The following ATP2C1 variants were observed in gnomAD, a reference collection of about 807,000 sequenced individuals.
ATP2C1 encodes the protein ATPase secretory pathway Ca2+ transporting 1, also known as calcium-transporting ATPase type 2C member 1.
In ATP2C1, 31 loss-of-function variants were observed where a neutral mutation model predicts 120.5. The ratio of observed to expected loss-of-function variants is 0.26; its 90% CI spans 0.19 to 0.35. ATP2C1 has a LOEUF of 0.35. Among genes scored for constraint, ATP2C1 ranks in the 10% least tolerant of loss-of-function variants. The pLI, the probability that ATP2C1 is intolerant of heterozygous loss-of-function variation, is 1.00. For missense variants in ATP2C1, 731 were observed against 1,107.5 expected (o/e 0.66, Z 4.83); for synonymous variants, 351 against 358.7 (o/e 0.98, Z 0.24).
At chr3:130,888,292 A>G (rs2107853200) in intron 1 of ATP2C1, among the ~76,000 whole-genome samples, 1 of 152,286 alleles carries the variant, frequency 6.6e-6, no homozygotes, top group East Asian at 1.9e-4. Flanking sequence ...GGTTGGGGGA[A>G]GGATGGCACA....
intron 9 of ATP2C1, among the ~76,000 whole-genome samples, chr3:130,954,490 A>G (rs1035981922): frequency 7.2e-5 from 11 of 152,096 alleles, no homozygotes; most frequent in Non-Finnish European, 1.5e-4. Context: ...TGAGTCTGCT[A>G]TACGTTTTTT....
At chr3:130,859,647 C>T (rs1388254635) in intron 1 of ATP2C1, among the ~76,000 whole-genome samples, 1 of 152,186 alleles carries the variant, frequency 6.6e-6, no homozygotes, top group East Asian at 1.9e-4. Context: ...GTGTTCCATC[C>T]TTCTTGTCCA....
chr3:130,957,154 A>G (rs540709028), intron 11 of ATP2C1, among the ~76,000 whole-genome samples: 6 of 152,342 alleles, frequency 3.9e-5, no homozygotes, highest in African/African-American at 7.2e-5. Flanking sequence ...AACCTCAGAC[A>G]CAAATGGGTT....
chr3:130,915,389 C>T (rs750520020), intron 2 of ATP2C1, among the ~76,000 whole-genome samples: 13 of 152,032 alleles, frequency 8.6e-5, no homozygotes, highest in African/African-American at 2.7e-4. Flanking sequence ...CTACTGCGCC[C>T]GGCCTAATTC....
intron 17 of ATP2C1, among the ~76,000 whole-genome samples, chr3:130,971,421 A>G (rs2061312846): frequency 6.6e-6 from 1 of 152,210 alleles, no homozygotes; most frequent in Non-Finnish European, 1.5e-5. Context: ...CCCAACCCAC[A>G]GATGTGACTC....
intron 14 of ATP2C1, among the ~76,000 whole-genome samples, chr3:130,966,312 A>G (rs1340597229): frequency 6.6e-6 from 1 of 152,194 alleles, no homozygotes; most frequent in Non-Finnish European, 1.5e-5. Flanking sequence ...TATATGATCC[A>G]GGTATGGAAG....
chr3:130,902,133 T>A (rs1041239105), intron 2 of ATP2C1, among the ~76,000 whole-genome samples: 7 of 151,978 alleles, frequency 4.6e-5, no homozygotes, highest in African/African-American at 1.4e-4. Flanking sequence ...TATGACTACT[T>A]CAGGTTTGTT....
rs958508128 is a variant in ATP2C1, at chr3:130,980,742, A to G, written c.1839+63A>G. On this transcript the variant is annotated intron_variant, in intron 20 of 27. Coordinates refer to ENST00000510168, the MANE Select transcript of ATP2C1 (RefSeq NM_001378687.1). ...TATTCTAAGTGTTACCATTTCTACT[A>G]CTATCTTAATGAAACTGTTTAATTG... 9 of 1,200,674 alleles carry G rather than the reference A, an allele frequency of 7.5e-6. No individual in the cohort carries two copies. In the African/African-American group the frequency reaches 9.0e-5, roughly 12 times the overall value. The allele number at this position is 1,200,674 out of a possible 1,614,324, so 74.4% of individuals were successfully genotyped here. A position where few individuals can be genotyped will look rare whatever the true frequency, so the allele number is the denominator to read the frequency against.
At chr3:130,907,641 T>A (rs1250887158) in intron 2 of ATP2C1, among the ~76,000 whole-genome samples, 11 of 152,096 alleles carry the variant, frequency 7.2e-5, no homozygotes, top group Admixed American at 7.2e-4. Flanking sequence ...TTTGCTGATG[T>A]AAGTACCATA....
intron 2 of ATP2C1, among the ~76,000 whole-genome samples, chr3:130,912,498 A>G (rs1205171530): frequency 9.4e-5 from 14 of 148,576 alleles, no homozygotes; most frequent in African/African-American, 3.0e-4. Flanking sequence ...AAACACATGA[A>G]AAAATGCTCA....
intron 1 of ATP2C1, among the ~76,000 whole-genome samples, chr3:130,852,365 T>A (rs969858754): frequency 7.9e-5 from 12 of 152,168 alleles, no homozygotes; most frequent in Admixed American, 4.6e-4. Context: ...ATTGTAAGTT[T>A]TCAGAGATGT....
At chr3:130,913,938 T>A (rs1356454768) in intron 2 of ATP2C1, among the ~76,000 whole-genome samples, 1 of 152,096 alleles carries the variant, frequency 6.6e-6, no homozygotes, top group Non-Finnish European at 1.5e-5. Flanking sequence ...TCTAAAAAAG[T>A]AGTAAAAATA....
At chr3:130,906,561 A>G (rs569782145) in intron 2 of ATP2C1, among the ~76,000 whole-genome samples, 69 of 151,700 alleles carry the variant, frequency 4.5e-4, no homozygotes, top group Non-Finnish European at 7.8e-4. Flanking sequence ...TGGTAATTCT[A>G]TCTTTAATTT....
At chr3:130,883,725 G>A (rs376336664) in intron 1 of ATP2C1, among the ~76,000 whole-genome samples, 21 of 152,042 alleles carry the variant, frequency 1.4e-4, no homozygotes, top group Non-Finnish European at 2.5e-4. Context: ...CCAAAGTGCC[G>A]GGATCACTCA....
chr3:130,889,836 G>T (rs1576600674), upstream of ATP2C1, among the ~76,000 whole-genome samples: 1 of 151,904 alleles, frequency 6.6e-6, no homozygotes, highest in East Asian at 1.9e-4. Context: ...TGTAAAGACA[G>T]GATCTCACTA....
At chr3:131,001,119 A>AG (rs2108962662) in intron 27 of ATP2C1, 101 bp from the exon 28 acceptor site, 1 of 934,774 alleles carries the variant, frequency 1.1e-6, no homozygotes, top group East Asian at 3.1e-5. Context: ...AAAAAAAAAA[A>AG]AAAAAAAAGT....
intron 26 of ATP2C1, among the ~76,000 whole-genome samples, chr3:131,011,587 A>G (rs767927418): frequency 1.9e-4 from 29 of 152,206 alleles, no homozygotes; most frequent in Admixed American, 3.3e-4. Context: ...TCTGATCTCA[A>G]TTTTAAAATT....
chr3:130,996,288 G>T, intron 23 of ATP2C1, 177 bp downstream of exon 23: 1 of 624,914 alleles, frequency 1.6e-6, no homozygotes, highest in Non-Finnish European at 2.8e-6. Context: ...TGATAAATAG[G>T]TTGTAAATGT....
At chr3:130,972,668 T>A (rs1407412871) in intron 17 of ATP2C1, among the ~76,000 whole-genome samples, 1 of 129,652 alleles carries the variant, frequency 7.7e-6, no homozygotes, top group Non-Finnish European at 1.6e-5. Context: ...CCTGTGTCCA[T>A]GTGTTCTCAT....
Sources: gnomAD v4.1 joint callset for allele counts (sites outside exome capture counted in the v4.1 genomes callset) on GRCh38, gnomAD v4.1.1 for gene constraint, MANE v1.5 for transcripts, NCBI Gene and HGNC (gene_info 2026-07-23, HGNC 2026-07-21) for gene names.